PANK1: variants seen among roughly 807,000 people sequenced by gnomAD.
The protein encoded by PANK1 is pantothenate kinase 1.
Under a neutral mutation model 40.1 loss-of-function variants are expected in PANK1, and 18 were observed. The ratio of observed to expected loss-of-function variants is 0.45; its 90% CI spans 0.31 to 0.67. The LOEUF (loss-of-function observed/expected upper bound fraction) is 0.67. Among genes scored for constraint, PANK1 ranks in the 30% least tolerant of loss-of-function variants. The pLI is 0.06. For synonymous variants in PANK1, 242 were observed against 237.7 expected, an observed-to-expected ratio of 1.02 and a Z score of -0.17; for missense variants, 457 against 599.6, an observed-to-expected ratio of 0.76 and a Z score of 2.48.
chr10:89,618,301 A>G (rs1223038094), intron 1 of PANK1, among the ~76,000 whole-genome samples: 1 of 152,212 alleles, frequency 6.6e-6, no homozygotes, highest in Non-Finnish European at 1.5e-5. Context: ...TTTCACCATT[A>G]TATACTAATA....
chr10:89,584,244 A>G lies in PANK1; in HGVS notation c.*162T>C. 1 of 590,104 alleles carries G rather than the reference A, an allele frequency of 1.7e-6. No individual in the cohort carries two copies. The highest frequency in any genetic ancestry group is 3.1e-6 in the Non-Finnish European group (1 of 322,906). 36.6% of individuals were successfully genotyped at this position (590,104 alleles called of 1,614,324 possible). A position where few individuals can be genotyped will look rare whatever the true frequency, so the allele number is the denominator to read the frequency against. The stretch of plus-strand genomic sequence containing the variant: ...TTTTGAATCATTAGCTCAAAACCTA[A>G]GAGTAAAAGATCATCTGGAAGGATT... On this transcript the variant is annotated 3_prime_UTR_variant, in exon 7 of 7. Coordinates refer to ENST00000307534, the MANE Select transcript of PANK1 (RefSeq NM_148977.3).
intron 1 of PANK1, among the ~76,000 whole-genome samples, chr10:89,633,846 T>A (rs943274274): frequency 1.3e-5 from 2 of 152,168 alleles, no homozygotes; most frequent in Admixed American, 1.3e-4. Context: ...ACTTACTTGA[T>A]CTCCTTTATG....
chr10:89,584,811 T>C (rs921951846), intron 6 of PANK1, among the ~76,000 whole-genome samples: 1 of 152,216 alleles, frequency 6.6e-6, no homozygotes, highest in Non-Finnish European at 1.5e-5. Context: ...AAATTACCCT[T>C]GCAGGGTCAC....
At chr10:89,598,655 G>A (rs1379278612) in intron 3 of PANK1, among the ~76,000 whole-genome samples, 4 of 152,222 alleles carry the variant, frequency 2.6e-5, no homozygotes, top group South Asian at 4.2e-4. Context: ...CTCTTACATG[G>A]GCCTTGGGGT....
intron 5 of PANK1, among the ~76,000 whole-genome samples, chr10:89,591,257 T>A (rs1589759858): frequency 6.6e-6 from 1 of 151,572 alleles, no homozygotes; most frequent in Admixed American, 6.6e-5. Flanking sequence ...AAAAAAACCC[T>A]AAAAAAAATG....
In PANK1 at chr10:89,645,111, G is replaced by A; in HGVS notation, c.-220C>T. On this transcript the variant is annotated 5_prime_UTR_variant, in exon 1 of 7. Transcript: ENST00000307534. ...CCCCGCGCGCCGGCCCCACGGCGCC[G>A]GCCTGGAGCACGCCAGCCCCGGGCG... The A allele has an allele frequency of 4.0e-6, 6 of 1,485,286 alleles. No individual in the cohort carries two copies. The highest frequency in any genetic ancestry group is 5.3e-6 in the Non-Finnish European group (6 of 1,123,710). The allele number at this position is 1,485,286 out of a possible 1,614,324, so 92.0% of individuals were successfully genotyped here. A position where few individuals can be genotyped will look rare whatever the true frequency, so the allele number is the denominator to read the frequency against.
At chr10:89,635,393 G>A (rs896160679) in intron 1 of PANK1, among the ~76,000 whole-genome samples, 5 of 152,150 alleles carry the variant, frequency 3.3e-5, no homozygotes, top group Non-Finnish European at 7.4e-5. Context: ...GTGTGCACAA[G>A]AGAGCAAAAG....
At chr10:89,619,655 G>A (rs924182837) in intron 1 of PANK1, among the ~76,000 whole-genome samples, 7 of 152,186 alleles carry the variant, frequency 4.6e-5, no homozygotes, top group African/African-American at 1.2e-4. Flanking sequence ...TGTGGGCATG[G>A]ATCTGACTCA....
In PANK1 at chr10:89,600,288, G is replaced by A. The variant is rs557312711; in HGVS notation, c.646-783C>T. On this transcript the variant is annotated intron_variant, in intron 2 of 6. Transcript: ENST00000307534. Reference sequence around the variant, plus strand: ...GCAACAAAAATGCTATACTTCCTTGGTAGAGCATGAAGTCCCGAGGGACTG... The same window carrying A: ...GCAACAAAAATGCTATACTTCCTTGATAGAGCATGAAGTCCCGAGGGACTG... Among the ~76,000 whole-genome samples, 3 of 152,288 alleles carry A rather than the reference G, an allele frequency of 2.0e-5. No homozygotes were observed. The South Asian group carries it at 6.2e-4, about 32-fold the overall frequency.
At chr10:89,643,999 T>C (rs1424869446) in intron 1 of PANK1, 14 of 519,242 alleles carry the variant, frequency 2.7e-5, no homozygotes, top group East Asian at 4.1e-5. Flanking sequence ...CCGGCCCACA[T>C]GGTATCAGTG....
chr10:89,582,785 A>C (rs1157538811), downstream of PANK1: 1 of 152,186 alleles, frequency 6.6e-6, no homozygotes, highest in African/African-American at 2.4e-5. Flanking sequence ...GTATAGAAAC[A>C]ATAAAGCTCT....
chr10:89,614,034 T>C (rs1169197259), intron 1 of PANK1: 2 of 456,414 alleles, frequency 4.4e-6, no homozygotes, highest in Non-Finnish European at 8.8e-6. Context: ...CCTTAAGAAA[T>C]ACAAAAGAAA....
chr10:89,607,175 T>C (rs986175951), intron 2 of PANK1, among the ~76,000 whole-genome samples: 3 of 152,198 alleles, frequency 2.0e-5, no homozygotes. Context: ...GTGTGGGACA[T>C]GGGACTCTTC....
intron 1 of PANK1, among the ~76,000 whole-genome samples, chr10:89,624,753 C>G (rs937267424): frequency 7.2e-5 from 11 of 152,270 alleles, no homozygotes; most frequent in African/African-American, 2.6e-4. Context: ...TACAGACTCC[C>G]AGGACATCAC....
chr10:89,631,663 C>T (rs759111851), intron 1 of PANK1, among the ~76,000 whole-genome samples: 1 of 152,216 alleles, frequency 6.6e-6, no homozygotes, highest in Non-Finnish European at 1.5e-5. Flanking sequence ...TCCAGTGATA[C>T]TGGGTGATTC....
At chr10:89,596,741 C>T (rs1223251277) in intron 3 of PANK1, among the ~76,000 whole-genome samples, 2 of 152,174 alleles carry the variant, frequency 1.3e-5, no homozygotes, top group Non-Finnish European at 2.9e-5. Flanking sequence ...CAAACAACAT[C>T]ATAGTGGGGG....
intron 4 of PANK1, 53 bp from the exon 5 acceptor site, chr10:89,593,373 A>G: frequency 6.3e-7 from 1 of 1,588,336 alleles, no homozygotes; most frequent in Non-Finnish European, 8.6e-7. Context: ...GGCAGGGCCC[A>G]TCCTTCCACC....
chr10:89,624,808 T>C (rs1279869875), intron 1 of PANK1, among the ~76,000 whole-genome samples: 1 of 152,160 alleles, frequency 6.6e-6, no homozygotes, highest in Non-Finnish European at 1.5e-5. Flanking sequence ...TCCCAGAAAA[T>C]GTTTTCAACA....
intron 1 of PANK1, among the ~76,000 whole-genome samples, chr10:89,619,759 T>C (rs971173970): frequency 6.6e-6 from 1 of 152,324 alleles, no homozygotes; most frequent in African/African-American, 2.4e-5. Context: ...GCAGCAGGAC[T>C]GAAATTTCTT....
Sources: gnomAD v4.1 joint callset for allele counts (sites outside exome capture counted in the v4.1 genomes callset) on GRCh38, gnomAD v4.1.1 for gene constraint, MANE v1.5 for transcripts, NCBI Gene and HGNC (gene_info 2026-07-23, HGNC 2026-07-21) for gene names.